Variants in CAMK4 observed in about 807,000 individuals in gnomAD.
The protein encoded by CAMK4 is calcium/calmodulin-dependent protein kinase type IV.
In CAMK4, 22 loss-of-function variants were observed where a neutral mutation model predicts 44.9. That is an observed-to-expected ratio of 0.49 (90% CI 0.35 to 0.70). The LOEUF is 0.70. Among genes scored for constraint, CAMK4 ranks in the 30% least tolerant of loss-of-function variants. CAMK4 has a pLI of 0.01. For missense variants in CAMK4, 498 were observed against 586.8 expected (o/e 0.85, Z 1.56); for synonymous variants, 218 against 215.4 (o/e 1.01, Z -0.11).
At chr5:111,332,313 C>T (rs577111809) in intron 1 of CAMK4, among the ~76,000 whole-genome samples, 13 of 139,102 alleles carry the variant, frequency 9.3e-5, no homozygotes, top group African/African-American at 2.4e-4. Flanking sequence ...CCTATCTATG[C>T]GTGAGAACAT....
At chr5:111,481,664 G>C (rs1020648266) in intron 9 of CAMK4, among the ~76,000 whole-genome samples, 1 of 152,098 alleles carries the variant, frequency 6.6e-6, no homozygotes, top group Non-Finnish European at 1.5e-5. Context: ...GACCACCTTG[G>C]AGACATCATG....
At chr5:111,476,340 C>T (rs796708831) in intron 8 of CAMK4, among the ~76,000 whole-genome samples, 15 of 151,728 alleles carry the variant, frequency 9.9e-5, no homozygotes, top group African/African-American at 2.7e-4. Context: ...AGTGCAGTGG[C>T]GTGATCTCGG....
chr5:111,336,789 G>A (rs1002180364), intron 1 of CAMK4, among the ~76,000 whole-genome samples: 3 of 150,322 alleles, frequency 2.0e-5, no homozygotes, highest in African/African-American at 7.3e-5. Context: ...TAGATTTTTA[G>A]TTTTCTTCTG....
chr5:111,387,316 T>C (rs1039660690), intron 4 of CAMK4, among the ~76,000 whole-genome samples: 13 of 152,214 alleles, frequency 8.5e-5, no homozygotes, highest in African/African-American at 3.1e-4. Context: ...TCAATTTCAT[T>C]GGCAAATTTT....
chr5:111,388,126 G>T (rs753899207), intron 4 of CAMK4, among the ~76,000 whole-genome samples: 2 of 152,174 alleles, frequency 1.3e-5, no homozygotes, highest in Non-Finnish European at 2.9e-5. Context: ...AAACTGCCTG[G>T]AATAGAAGTG....
intron 1 of CAMK4, among the ~76,000 whole-genome samples, chr5:111,277,217 G>C (rs1750802718): frequency 6.6e-6 from 1 of 152,344 alleles, no homozygotes; most frequent in Non-Finnish European, 1.5e-5. Context: ...GAATCCTTGA[G>C]ATGTCAACTG....
intron 1 of CAMK4, among the ~76,000 whole-genome samples, chr5:111,315,901 G>C (rs1252330433): frequency 6.6e-6 from 1 of 152,104 alleles, no homozygotes; most frequent in Non-Finnish European, 1.5e-5. Flanking sequence ...TTCAGAGGCA[G>C]GTTGGAAATC....
chr5:111,237,942 A>G lies in CAMK4; in HGVS notation c.161+13298A>G, dbSNP rs59342913. Among the ~76,000 whole-genome samples the G allele has an allele frequency of 7.8e-3, 1,188 of 152,312 alleles. 15 individuals are homozygous for G. The highest frequency in any genetic ancestry group is 0.027 in the African/African-American group (1,135 of 41,548). Reference sequence around the variant, plus strand: ...GAAATGCAGCTTGACATAACTTCCAAGTAGGGTTATTAACTTTACATTCCT... The same window carrying G: ...GAAATGCAGCTTGACATAACTTCCAGGTAGGGTTATTAACTTTACATTCCT... On this transcript the variant is annotated intron_variant, in intron 1 of 10. Coordinates refer to ENST00000282356, the MANE Select transcript of CAMK4 (RefSeq NM_001744.6).
rs184647166 is a variant in CAMK4, at chr5:111,320,638, C to G, written c.162-23386C>G. Reference sequence around the variant, plus strand: ...TCTCCTGCCTCAGCTTCCCAAGTAGCTGGGATTACAGGCATGCACCACCAT... The same window carrying G: ...TCTCCTGCCTCAGCTTCCCAAGTAGGTGGGATTACAGGCATGCACCACCAT... On this transcript the variant is annotated intron_variant, in intron 1 of 10. Coordinates refer to ENST00000282356, the MANE Select transcript of CAMK4 (RefSeq NM_001744.6). 7.5e-3 allele frequency among the ~76,000 whole-genome samples: 1,149 copies of G among 152,312 alleles called. 56 individuals are homozygous for G. The highest frequency in any genetic ancestry group is 0.067 in the Admixed American group (1,019 of 15,298).
chr5:111,375,825 G>T (rs1224566711), intron 3 of CAMK4, among the ~76,000 whole-genome samples: 1 of 151,862 alleles, frequency 6.6e-6, no homozygotes. Context: ...TTCCCTCCTG[G>T]GCCTAACATG....
chr5:111,270,074 G>A (rs1451965832), intron 1 of CAMK4: 1 of 152,366 alleles, frequency 6.6e-6, no homozygotes, highest in African/African-American at 2.4e-5. Flanking sequence ...GGCTTCCTGT[G>A]TCATGTCCTT....
chr5:111,457,107 A>G (rs973193889), intron 7 of CAMK4, among the ~76,000 whole-genome samples: 1 of 152,318 alleles, frequency 6.6e-6, no homozygotes, highest in East Asian at 1.9e-4. Context: ...GGGGAATTCA[A>G]GTTTCTTTGG....
chr5:111,298,552 G>A (rs781498312), intron 1 of CAMK4, among the ~76,000 whole-genome samples: 9 of 152,134 alleles, frequency 5.9e-5, no homozygotes, highest in African/African-American at 2.2e-4. Flanking sequence ...TTCTCCCCAC[G>A]TTGCCCAGAC....
chr5:111,233,931 A>G (rs551647898), intron 1 of CAMK4, among the ~76,000 whole-genome samples: 3 of 152,334 alleles, frequency 2.0e-5, no homozygotes, highest in South Asian at 4.1e-4. Flanking sequence ...GTGTAATACA[A>G]TGAGGTGCTA....
At chr5:111,464,264 G>A (rs79885374) in intron 7 of CAMK4, among the ~76,000 whole-genome samples, 1,747 of 151,694 alleles carry the variant, frequency 0.012, 30 homozygotes, top group African/African-American at 0.039. Flanking sequence ...AAAGTTTTTG[G>A]ATTAACCCAA....
intron 1 of CAMK4, among the ~76,000 whole-genome samples, chr5:111,287,051 A>T (rs1468160579): frequency 1.3e-5 from 2 of 152,196 alleles, no homozygotes; most frequent in Admixed American, 1.3e-4. Context: ...TCTTTGTTAA[A>T]AGATGCTGAT....
At chr5:111,415,214 A>T (rs1335422047) in intron 5 of CAMK4, among the ~76,000 whole-genome samples, 1 of 152,128 alleles carries the variant, frequency 6.6e-6, no homozygotes, top group Non-Finnish European at 1.5e-5. Flanking sequence ...AGCCCAATGA[A>T]ATTTTGCGCC....
At chr5:111,471,226 A>G (rs1027893808) in intron 7 of CAMK4, among the ~76,000 whole-genome samples, 4 of 151,252 alleles carry the variant, frequency 2.6e-5, no homozygotes, top group African/African-American at 7.4e-5. Flanking sequence ...ACTTTGCTCA[A>G]CTTTTAATTT....
intron 2 of CAMK4, among the ~76,000 whole-genome samples, chr5:111,344,833 A>C (rs980018388): frequency 6.6e-6 from 1 of 151,840 alleles, no homozygotes; most frequent in Non-Finnish European, 1.5e-5. Flanking sequence ...AATACTGTCT[A>C]TACCCCCAGA....
Sources: allele counts gnomAD v4.1 joint callset (sites outside exome capture counted in the v4.1 genomes callset), GRCh38; gene constraint gnomAD v4.1.1; transcripts MANE v1.5; gene names NCBI Gene and HGNC (gene_info 2026-07-23, HGNC 2026-07-21).